Variants in ROBO2 observed in about 807,000 individuals in gnomAD.
The protein encoded by ROBO2 is roundabout homolog 2.
A neutral mutation model predicts 160.8 loss-of-function variants in ROBO2; 53 were observed. That is an observed-to-expected ratio of 0.33 (90% confidence interval 0.26 to 0.41). ROBO2 has a LOEUF of 0.41. ROBO2 is among the 10% of genes least tolerant of loss of function. The probability of loss-of-function intolerance (pLI) is 1.00; values close to 1 mark genes in which losing one functional copy is unlikely to be tolerated. For synonymous variants in ROBO2, 664 were observed against 611.7 expected, an observed-to-expected ratio of 1.09 and a Z score of -1.26; for missense variants, 1,577 against 1,722.4, an observed-to-expected ratio of 0.92 and a Z score of 1.49.
rs146572571 is a variant in ROBO2, at chr3:77,335,709, C to T, written c.389-141705C>T. Among the ~76,000 whole-genome samples, 31 of 152,038 alleles carry T rather than the reference C, an allele frequency of 2.0e-4. No homozygotes were observed. In the South Asian group the frequency reaches 4.8e-3, roughly 23 times the overall value. ...CCAAGTGTTAGGTTATTCTCTGATT[C>T]GGAGTAGCCATCAAGAAAAAGGAAG... On this transcript the variant is annotated intron_variant, in intron 2 of 25. Transcript: ENST00000461745.
At chr3:76,402,307 A>T (rs183004452) in intron 2 of ROBO2, among the ~76,000 whole-genome samples, 43 of 151,716 alleles carry the variant, frequency 2.8e-4, no homozygotes, top group Admixed American at 1.5e-3. Context: ...GTTGATCCAC[A>T]CACATAACTT....
At chr3:77,479,925 A>G (rs1458160733) in intron 3 of ROBO2, among the ~76,000 whole-genome samples, 1 of 152,098 alleles carries the variant, frequency 6.6e-6, no homozygotes, top group Non-Finnish European at 1.5e-5. Context: ...GCAAGACACA[A>G]TGTACAAGAA....
intron 2 of ROBO2, among the ~76,000 whole-genome samples, chr3:76,167,005 C>T (rs571718248): frequency 3.9e-5 from 6 of 152,150 alleles, no homozygotes; most frequent in South Asian, 4.1e-4. Context: ...AGTGCAGTGG[C>T]GTGATCTTGG....
chr3:76,550,935 C>CTAT, intron 2 of ROBO2, among the ~76,000 whole-genome samples: 1 of 152,034 alleles, frequency 6.6e-6, no homozygotes, highest in Non-Finnish European at 1.5e-5. Flanking sequence ...AGCCTGGGTG[C>CTAT]TGTGGATGGC....
chr3:77,254,500 A>G (rs958666791), intron 2 of ROBO2, among the ~76,000 whole-genome samples: 1 of 152,018 alleles, frequency 6.6e-6, no homozygotes, highest in Non-Finnish European at 1.5e-5. Flanking sequence ...TATGGTGGAA[A>G]CTTAACATCT....
rs746359729 is a variant in ROBO2 at position 76,541,047 on chromosome 3, G to A, written c.110-556967G>A. Among the ~76,000 whole-genome samples, 20 of 152,246 alleles carry A rather than the reference G, an allele frequency of 1.3e-4. No individual in the cohort carries two copies. In the Middle Eastern group the frequency reaches 0.014, roughly 104 times the overall value. On this transcript the variant is annotated intron_variant, in intron 2 of 26. Transcript: ENST00000487694. ...ACTCCTGACCTCAAGTGATCTGCCC[G>A]CCTCGGCCTCCCAGAATGCTGTGAC...
intron 2 of ROBO2, among the ~76,000 whole-genome samples, chr3:76,555,398 AGAAGAAGAAGAAGAAGAAGAAAGAAGG>A (rs1482633723): frequency 1.4e-5 from 1 of 70,842 alleles, no homozygotes; most frequent in African/African-American, 2.9e-5. Context: ...AAGAAGAAGA[AGAAGAAGAAGAAGAAGAAGAAAGAAGG>A]AGAAGGGGAA....
At chr3:76,509,194 G>T (rs774279424) in intron 2 of ROBO2, among the ~76,000 whole-genome samples, 1 of 152,162 alleles carries the variant, frequency 6.6e-6, no homozygotes, top group Non-Finnish European at 1.5e-5. Flanking sequence ...GGGCCAAGGT[G>T]GTGCCATTTT....
At chr3:76,223,344 A>T (rs1203275397) in intron 2 of ROBO2, among the ~76,000 whole-genome samples, 2 of 151,778 alleles carry the variant, frequency 1.3e-5, no homozygotes, top group East Asian at 3.9e-4. Flanking sequence ...ACCCCCTCAG[A>T]TAGAGATGAA....
chr3:75,960,232 A>G (rs1362881295), intron 2 of ROBO2, among the ~76,000 whole-genome samples: 6 of 151,834 alleles, frequency 4.0e-5, no homozygotes, highest in African/African-American at 1.4e-4. Context: ...AGCTGATGTC[A>G]GTAGTTTCAC....
chr3:75,980,682 G>T (rs1159952268), intron 2 of ROBO2, among the ~76,000 whole-genome samples: 1 of 151,562 alleles, frequency 6.6e-6, no homozygotes, highest in East Asian at 2.0e-4. Context: ...TCAAAGCATT[G>T]CTACTCACTT....
chr3:76,767,158 C>G (rs1211470557), intron 2 of ROBO2, among the ~76,000 whole-genome samples: 2 of 151,430 alleles, frequency 1.3e-5, no homozygotes, highest in African/African-American at 4.8e-5. Context: ...TTTGTATTAA[C>G]CCTTCTCAAT....
intron 2 of ROBO2, among the ~76,000 whole-genome samples, chr3:76,190,404 T>C (rs1459898353): frequency 6.6e-6 from 1 of 152,240 alleles, no homozygotes; most frequent in East Asian, 1.9e-4. Context: ...AAACGAAGTA[T>C]GTATCATTTA....
chr3:76,328,442 T>A (rs1461564646), intron 2 of ROBO2, among the ~76,000 whole-genome samples: 1 of 152,216 alleles, frequency 6.6e-6, no homozygotes, highest in Non-Finnish European at 1.5e-5. Flanking sequence ...AATTTCCTAG[T>A]ATAACATATA....
chr3:77,221,494 T>C (rs1560274760), intron 2 of ROBO2, among the ~76,000 whole-genome samples: 1 of 152,142 alleles, frequency 6.6e-6, no homozygotes, highest in Admixed American at 6.6e-5. Flanking sequence ...CAGTCTTTTG[T>C]GTATCTCATA....
chr3:76,443,738 C>A (rs554961521), intron 2 of ROBO2, among the ~76,000 whole-genome samples: 1 of 152,212 alleles, frequency 6.6e-6, no homozygotes, highest in African/African-American at 2.4e-5. Flanking sequence ...TTACTGGGAA[C>A]TACACTAGAC....
At chr3:76,146,601 C>T (rs761734079) in intron 2 of ROBO2, among the ~76,000 whole-genome samples, 6 of 151,326 alleles carry the variant, frequency 4.0e-5, no homozygotes, top group Non-Finnish European at 8.8e-5. Context: ...CTGCAAAATC[C>T]CTTCAACTTT....
chr3:76,007,972 G>A (rs919138755), intron 2 of ROBO2, among the ~76,000 whole-genome samples: 8 of 152,050 alleles, frequency 5.3e-5, no homozygotes, highest in Middle Eastern at 3.4e-3. Flanking sequence ...GTCTGGGCAC[G>A]GTGCCTCACT....
At chr3:75,946,249 G>C (rs924347993) in intron 2 of ROBO2, among the ~76,000 whole-genome samples, 53 of 152,042 alleles carry the variant, frequency 3.5e-4, no homozygotes, top group African/African-American at 1.3e-3. Context: ...AGGGACGTGA[G>C]AAGAGAGGGA....
Sources: allele counts gnomAD v4.1 joint callset (sites outside exome capture counted in the v4.1 genomes callset), GRCh38; gene constraint gnomAD v4.1.1; transcripts MANE v1.5; gene names NCBI Gene and HGNC (gene_info 2026-07-23, HGNC 2026-07-21).